PNISR: variants seen among roughly 807,000 people sequenced by gnomAD.
PNISR encodes the protein PNN interacting serine and arginine rich protein, also known as arginine/serine-rich protein PNISR.
Under a neutral mutation model 93.4 loss-of-function variants are expected in PNISR, and 20 were observed. The ratio of observed to expected loss-of-function variants is 0.21; its 90% CI spans 0.15 to 0.31. The LOEUF (loss-of-function observed/expected upper bound fraction) is 0.31, where lower values mean the gene tolerates loss of function less well. PNISR is among the 10% of genes least tolerant of loss of function. The pLI, the probability that PNISR is intolerant of heterozygous loss-of-function variation, is 1.00. For missense variants in PNISR, 893 were observed against 985.4 expected, an observed-to-expected ratio of 0.91 and a Z score of 1.25; for synonymous variants, 305 against 306.5, an observed-to-expected ratio of 0.99 and a Z score of 0.05.
intron 3 of PNISR, 70 bp downstream of exon 3, chr6:99,414,502 C>T (rs1177642101): frequency 2.6e-6 from 2 of 765,146 alleles, no homozygotes; most frequent in African/African-American, 3.5e-5. Context: ...ATCCCTTAAT[C>T]CCATCATGTG....
rs144603009 is a variant in PNISR at position 99,402,546 on chromosome 6, T to G, written c.1321A>C (p.Met441Leu). 1.2e-6 allele frequency: 2 copies of G among 1,610,432 alleles called. No individual in the cohort carries two copies. The highest frequency in any genetic ancestry group is 3.3e-5 in the Admixed American group (2 of 59,836). Residue 441 changes from methionine (M) to leucine (L), a missense_variant, in exon 11 of 12, where the codon ATG (methionine) becomes CTG (leucine). Transcript: ENST00000369239. ...TCTAAAAGGTATACTACACCTTCCA[T>G]CTGTTTATCATGTAATAGCTGCTGT... ...KEQQLLHDKQ[M>L]EEEKQQTERV...
chr6:99,414,410 C>T (rs1024608306), intron 3 of PNISR, among the ~76,000 whole-genome samples, 162 bp downstream of exon 3: 1 of 152,158 alleles, frequency 6.6e-6, no homozygotes, highest in Admixed American at 6.5e-5. Flanking sequence ...CCATTTCCTG[C>T]TATATATGCT....
intron 6 of PNISR, among the ~76,000 whole-genome samples, chr6:99,408,746 T>C (rs1776470523): frequency 6.6e-6 from 1 of 152,182 alleles, no homozygotes; most frequent in Non-Finnish European, 1.5e-5. Flanking sequence ...AAATTGAAAT[T>C]TTCTGCCAAA....
At chr6:99,413,563 C>T (rs1777265298) in intron 3 of PNISR, among the ~76,000 whole-genome samples, 1 of 151,932 alleles carries the variant, frequency 6.6e-6, no homozygotes, top group Non-Finnish European at 1.5e-5. Flanking sequence ...TGAGCTCAAG[C>T]GATTTGCCCA....
chr6:99,404,131 G>A (rs1362928071), intron 9 of PNISR: 2 of 467,586 alleles, frequency 4.3e-6, no homozygotes, highest in Non-Finnish European at 7.5e-6. Context: ...CTACTTCTGA[G>A]ATTATGACAT....
intron 10 of PNISR, chr6:99,402,948 G>T: frequency 2.8e-6 from 1 of 353,800 alleles, no homozygotes; most frequent in Non-Finnish European, 5.1e-6. Flanking sequence ...TCACTGTAAA[G>T]GAATGATAAT....
In PNISR at chr6:99,401,515, T is replaced by C; in HGVS notation, c.1443A>G (p.Glu481=). 1.9e-6 allele frequency: 3 copies of C among 1,613,192 alleles called. No individual in the cohort carries two copies. Among genetic ancestry groups the C allele is most frequent in the Non-Finnish European group, 2.5e-6 (3 of 1,179,824 alleles). Residue 481 remains glutamate, a synonymous_variant, in exon 12 of 12, where the codon GAA becomes GAG. Coordinates refer to ENST00000369239, the MANE Select transcript of PNISR (RefSeq NM_032870.4). ...AREADGDVVN[E]KKRTPNETTS... The stretch of plus-strand genomic sequence containing the variant: ...TGGTTTCATTTGGAGTTCTCTTCTT[T>C]TCATTAACCACATCACCGTCTGCTT...
chr6:99,405,522 T>C (rs1776047889), intron 8 of PNISR, among the ~76,000 whole-genome samples: 1 of 152,120 alleles, frequency 6.6e-6, no homozygotes, highest in Non-Finnish European at 1.5e-5. Context: ...AAAAATATTA[T>C]AAATGTATCT....
chr6:99,400,917 C>T lies in PNISR; in HGVS notation c.2041G>A (p.Asp681Asn), dbSNP rs1775396269. 6.4e-7 allele frequency: 1 copy of T among 1,573,678 alleles called. No homozygotes were observed. Among genetic ancestry groups the T allele is most frequent in the Non-Finnish European group, 8.7e-7 (1 of 1,146,960 alleles). The part of the protein sequence containing the change: ...RSIDKDRKKK[D>N]KEREREQDKR... ...TCCTGTTCACGTTCCCTTTCTTTGT[C>T]TTTCTTTTTCCTATCTTTATCTATA... is the stretch of plus-strand genomic sequence containing the variant. The change falls in exon 12 of 12, where the codon GAC (aspartate) becomes AAC (asparagine). Residue 681 changes from aspartate to asparagine, a missense_variant. Asp to Asn is a conservative substitution (Grantham distance 23, BLOSUM62 1). Around this residue, in one of 3 missense-constraint regions of PNISR, gnomAD observed 866 missense variants for 935.1 expected, o/e 0.93. Coordinates refer to ENST00000369239, the MANE Select transcript of PNISR (RefSeq NM_032870.4).
chr6:99,411,068 A>G (rs762388250), intron 4 of PNISR, 104 bp from the exon 5 acceptor site: 37 of 802,246 alleles, frequency 4.6e-5, no homozygotes, highest in Non-Finnish European at 6.9e-5. Flanking sequence ...ATACAGATTT[A>G]AAAAACAACT....
chr6:99,421,941 C>G (rs757254387), intron 1 of PNISR, among the ~76,000 whole-genome samples: 1 of 151,816 alleles, frequency 6.6e-6, no homozygotes, highest in African/African-American at 2.4e-5. Flanking sequence ...TCTCGGCTTA[C>G]GGCAACCTCC....
chr6:99,413,178 G>C lies in PNISR; in HGVS notation c.89-439C>G, dbSNP rs1051877175. ...TATTTATCTTTCCAGGCCTGCATTC[G>C]AGCCTATAGGCCTTTGATGAGAGCA... On this transcript the variant is annotated intron_variant, in intron 3 of 11. Transcript: ENST00000369239. 4.6e-5 allele frequency among the ~76,000 whole-genome samples: 7 copies of C among 151,424 alleles called. No individual in the cohort carries two copies. The South Asian group carries it at 1.2e-3, about 27-fold the overall frequency.
chr6:99,422,893 A>C (rs994990333), intron 1 of PNISR, among the ~76,000 whole-genome samples: 3 of 145,226 alleles, frequency 2.1e-5, no homozygotes, highest in Admixed American at 7.0e-5. Context: ...AAAAAAAAAA[A>C]AAAAAACTGG....
chr6:99,414,535 C>G (rs371692203), intron 3 of PNISR, 37 bp downstream of exon 3: 3 of 1,104,902 alleles, frequency 2.7e-6, no homozygotes, highest in Non-Finnish European at 2.8e-6. Flanking sequence ...TTCCACATAT[C>G]CAACCCCGCC....
At position 99,400,892 on chromosome 6, in the gene PNISR, T is replaced by C. The variant is rs1172286321; in HGVS notation, c.2066A>G (p.Asp689Gly). The C allele has an allele frequency of 1.3e-6, 2 of 1,578,856 alleles. No homozygotes were observed. Among genetic ancestry groups the C allele is most frequent in the Non-Finnish European group, 1.7e-6 (2 of 1,150,952 alleles). ...KKDKEREREQ[D>G]KRKEKQKREE... ...CCTTTTTTGTTTCTCTTTTCTTTTA[T>C]CCTGTTCACGTTCCCTTTCTTTGTC... is the stretch of plus-strand genomic sequence containing the variant. The change falls in exon 12 of 12, where the codon GAT becomes GGT. Residue 689 changes from aspartate (D) to glycine (G), a missense_variant. This residue lies in a region of PNISR where 866 missense variants were observed against 935.1 expected (regional missense o/e 0.93). Transcript: ENST00000369239.
At position 99,408,254 on chromosome 6, in the gene PNISR, T is replaced by A; in HGVS notation, c.691A>T (p.Thr231Ser). The change falls in exon 7 of 12, where the codon ACT becomes TCT. Residue 231 changes from threonine to serine, a missense_variant. By Grantham distance (58) the Thr-to-Ser change is moderately conservative. Around this residue, in one of 3 missense-constraint regions of PNISR, gnomAD observed 866 missense variants for 935.1 expected, o/e 0.93. Transcript: ENST00000369239. ...PPQIDAVKRRTLPAWIREGLE... is the reference protein window; with the variant it reads ...PPQIDAVKRRSLPAWIREGLE... Reference sequence around the variant, plus strand: ...CCTTCGCGAATCCAAGCGGGAAGAGTCCTGCGTTTTACTGCGTCTGTTTCA... The same window carrying A: ...CCTTCGCGAATCCAAGCGGGAAGAGACCTGCGTTTTACTGCGTCTGTTTCA... 6.2e-7 allele frequency: 1 copy of A among 1,609,824 alleles called. No homozygotes were observed. The highest frequency in any genetic ancestry group is 8.5e-7 in the Non-Finnish European group (1 of 1,178,206).
intron 1 of PNISR, 171 bp downstream of exon 1, chr6:99,425,044 C>T (rs991752316): frequency 5.0e-6 from 2 of 402,172 alleles, no homozygotes; most frequent in South Asian, 1.4e-4. Context: ...GAAAGCAGCG[C>T]TCTGATTTAC....
At position 99,401,306 on chromosome 6, in the gene PNISR, G is replaced by T. The variant is rs1457386047; in HGVS notation, c.1652C>A (p.Ser551Tyr). The T allele has an allele frequency of 6.2e-7, 1 of 1,613,656 alleles. No individual in the cohort carries two copies. Among genetic ancestry groups the T allele is most frequent in the African/African-American group, 1.3e-5 (1 of 74,906 alleles). Residue 551 changes from serine to tyrosine, a missense_variant, in exon 12 of 12, where the codon TCT becomes TAT. Ser to Tyr is a moderately radical substitution (Grantham distance 144). Around this residue, in one of 3 missense-constraint regions of PNISR, gnomAD observed 866 missense variants for 935.1 expected, o/e 0.93. Coordinates refer to ENST00000369239, the MANE Select transcript of PNISR (RefSeq NM_032870.4). ...ACTGTGTCTCTTTTTCCTTTTAGGA[G>T]AAGAAGACCGAGAAGAAGTACGACT... is the stretch of plus-strand genomic sequence containing the variant. ...GSSRTSSRSS[S>Y]PKRKKRHSRS...
rs1775151171 is a variant in PNISR at position 99,398,907 on chromosome 6, T to G, written c.*1633A>C. ...GTTATTCTGTGAAATGTCATCTTTA[T>G]AAATATCAGAACTAAATGCACTGTA... On this transcript the variant is annotated 3_prime_UTR_variant, in exon 12 of 12. Transcript: ENST00000369239. 1 of 152,104 alleles carries G rather than the reference T, an allele frequency of 6.6e-6. No homozygotes were observed. The highest frequency in any genetic ancestry group is 2.4e-5 in the African/African-American group (1 of 41,440). The allele number at this position is 152,104 out of a possible 1,614,324, so 9.4% of individuals were successfully genotyped here.
Sources: gnomAD v4.1 joint callset for allele counts (sites outside exome capture counted in the v4.1 genomes callset) on GRCh38, gnomAD v4.1.1 for gene constraint, gnomAD v4.1.1 regional missense constraint, MANE v1.5 for transcripts, NCBI Gene and HGNC (gene_info 2026-07-23, HGNC 2026-07-21) for gene names.